Variants in ADAD1 observed in about 807,000 individuals in gnomAD.
The protein encoded by ADAD1 is adenosine deaminase domain containing 1.
Under a neutral mutation model 66.8 loss-of-function variants are expected in ADAD1, and 46 were observed. The ratio of observed to expected loss-of-function variants is 0.69; its 90% CI spans 0.54 to 0.88. The LOEUF (loss-of-function observed/expected upper bound fraction) is 0.88. Among genes scored for constraint, ADAD1 ranks in the 40% least tolerant of loss-of-function variants. The pLI is 0.00. For synonymous variants in ADAD1, 248 were observed against 229.4 expected (o/e 1.08, Z -0.73); for missense variants, 617 against 681.8 (o/e 0.91, Z 1.06).
At chr4:122,412,092 A>G (rs1413625220) in intron 9 of ADAD1, among the ~76,000 whole-genome samples, 1 of 152,204 alleles carries the variant, frequency 6.6e-6, no homozygotes. Context: ...AGTGGTAAAC[A>G]TGGGTAATAT....
At chr4:122,407,395 C>G (rs1191405343) in intron 7 of ADAD1, among the ~76,000 whole-genome samples, 1 of 152,050 alleles carries the variant, frequency 6.6e-6, no homozygotes, top group East Asian at 1.9e-4. Context: ...GTGAATGGAG[C>G]AAAGTTACTG....
At chr4:122,418,437 C>T (rs1796852615) in intron 11 of ADAD1, among the ~76,000 whole-genome samples, 2 of 151,582 alleles carry the variant, frequency 1.3e-5, no homozygotes, top group South Asian at 4.2e-4. Context: ...ATTCTCCTGC[C>T]TCAGCCTCCC....
intron 11 of ADAD1, among the ~76,000 whole-genome samples, chr4:122,418,185 T>C (rs45627241): frequency 6.6e-6 from 1 of 151,852 alleles, no homozygotes; most frequent in Non-Finnish European, 1.5e-5. Flanking sequence ...AAGAGGATCA[T>C]AAGCTATTTT....
chr4:122,390,471 TC>T (rs1335862333), intron 5 of ADAD1, among the ~76,000 whole-genome samples: 2 of 152,200 alleles, frequency 1.3e-5, no homozygotes, highest in Non-Finnish European at 2.9e-5. Flanking sequence ...TTGTTTCCAT[TC>T]TCTCTGTCTC....
At chr4:122,380,567 T>C (rs961932769) in intron 3 of ADAD1, 1 of 325,074 alleles carries the variant, frequency 3.1e-6, no homozygotes, top group Admixed American at 4.7e-5. Flanking sequence ...TAGTGTTAAG[T>C]ATAAAGCAGG....
At chr4:122,389,785 C>T (rs963802907) in intron 5 of ADAD1, among the ~76,000 whole-genome samples, 2 of 152,100 alleles carry the variant, frequency 1.3e-5, no homozygotes, top group African/African-American at 4.8e-5. Flanking sequence ...TACATCACAC[C>T]AATGGGTCTT....
intron 12 of ADAD1, among the ~76,000 whole-genome samples, chr4:122,423,379 T>G (rs1797094269): frequency 6.6e-6 from 1 of 152,218 alleles, no homozygotes; most frequent in Non-Finnish European, 1.5e-5. Flanking sequence ...AGGTAAATTC[T>G]TCATATTTTC....
At chr4:122,416,530 CA>C (rs1796741312) in intron 11 of ADAD1, among the ~76,000 whole-genome samples, 1 of 151,816 alleles carries the variant, frequency 6.6e-6, no homozygotes, top group African/African-American at 2.4e-5. Context: ...AGTTCAAGAC[CA>C]ATCTGGGAAA....
Position 122,380,248 on chromosome 4 carries a change from C to CTTT in ADAD1, c.172+11_172+13dup. The stretch of plus-strand genomic sequence containing the variant: ...AAGGTTACGCAAGTAACGGGTACGA[C>CTTT]TTTTTTCATTTGTAACAATGAGTCA... On this transcript the variant is annotated splice_region_variant and intron_variant, in intron 3 of 12. Transcript: ENST00000296513. 1 of 1,599,736 alleles carries CTTT rather than the reference C, an allele frequency of 6.3e-7. No homozygotes were observed. The highest frequency in any genetic ancestry group is 1.1e-5 in the South Asian group (1 of 88,180).
At chr4:122,390,685 A>G (rs867227664) in intron 5 of ADAD1, among the ~76,000 whole-genome samples, 8 of 151,956 alleles carry the variant, frequency 5.3e-5, no homozygotes, top group Non-Finnish European at 1.0e-4. Flanking sequence ...GTTCTCATGC[A>G]GTTTTTTTCA....
rs149759339 is a variant in ADAD1, at chr4:122,381,008, G to A, written c.189G>A (p.Pro63=). 21 of 1,591,612 alleles carry A rather than the reference G, an allele frequency of 1.3e-5. No homozygotes were observed. The highest frequency in any genetic ancestry group is 1.6e-5 in the Non-Finnish European group (19 of 1,174,880). ...VTQVTGNFPE[P]LLSKNLSSIS... is the part of the protein sequence containing the mutation. ...TGTTTTTAGGTAATTTTCCAGAGCC[G>A]TTGCTTTCCAAGAATCTTTCATCTA... Residue 63 remains proline (P), a synonymous_variant, in exon 4 of 13, where the codon CCG becomes CCA. Transcript: ENST00000296513.
intron 5 of ADAD1, among the ~76,000 whole-genome samples, chr4:122,387,256 T>A (rs1437845003): frequency 6.6e-6 from 1 of 152,140 alleles, no homozygotes; most frequent in Non-Finnish European, 1.5e-5. Flanking sequence ...TCCTTCACAT[T>A]CCTTGTTAGT....
intron 7 of ADAD1, among the ~76,000 whole-genome samples, chr4:122,406,082 G>A (rs1796199294): frequency 6.6e-6 from 1 of 152,038 alleles, no homozygotes; most frequent in Non-Finnish European, 1.5e-5. Flanking sequence ...CACTTCCTTT[G>A]GATATATACA....
chr4:122,397,984 G>A (rs1192677696), intron 7 of ADAD1, among the ~76,000 whole-genome samples: 1 of 152,046 alleles, frequency 6.6e-6, no homozygotes, highest in Non-Finnish European at 1.5e-5. Context: ...TAGAAATTTT[G>A]CCTCATCAGT....
intron 5 of ADAD1, 48 bp downstream of exon 5, chr4:122,384,014 A>T: frequency 6.8e-7 from 1 of 1,461,142 alleles, no homozygotes; most frequent in Non-Finnish European, 9.2e-7. Flanking sequence ...TCATTTTTCA[A>T]AAGGAATCAC....
chr4:122,403,547 G>C (rs1796070436), intron 7 of ADAD1, among the ~76,000 whole-genome samples: 1 of 152,204 alleles, frequency 6.6e-6, no homozygotes, highest in South Asian at 2.1e-4. Flanking sequence ...GGTGAAATTA[G>C]CTGTTGTTTT....
intron 7 of ADAD1, among the ~76,000 whole-genome samples, chr4:122,406,752 C>G (rs1796230938): frequency 6.6e-6 from 1 of 151,904 alleles, no homozygotes; most frequent in Non-Finnish European, 1.5e-5. Context: ...TGTCTTTGCC[C>G]AGGGCAGTGT....
At chr4:122,403,537 G>A (rs762856175) in intron 7 of ADAD1, among the ~76,000 whole-genome samples, 3 of 152,264 alleles carry the variant, frequency 2.0e-5, no homozygotes, top group South Asian at 2.1e-4. Context: ...TGTTGCAGGC[G>A]GTGAAATTAG....
At chr4:122,427,004 G>C (rs1236280622) in intron 12 of ADAD1, among the ~76,000 whole-genome samples, 1 of 152,062 alleles carries the variant, frequency 6.6e-6, no homozygotes, top group South Asian at 2.1e-4. Context: ...AGCACGGAAA[G>C]AAAAAGAGAT....
Sources: gnomAD v4.1 joint callset for allele counts (sites outside exome capture counted in the v4.1 genomes callset) on GRCh38, gnomAD v4.1.1 for gene constraint, MANE v1.5 for transcripts, NCBI Gene and HGNC (gene_info 2026-07-23, HGNC 2026-07-21) for gene names.